CABIN1: variants seen among roughly 807,000 people sequenced by gnomAD.
The protein encoded by CABIN1 is calcineurin binding protein 1.
In CABIN1, 133 loss-of-function variants were observed where a neutral mutation model predicts 227.7. The ratio of observed to expected loss-of-function variants is 0.58; its 90% CI spans 0.51 to 0.67. The LOEUF is 0.67. Ranked by LOEUF, CABIN1 falls within the 30% of genes least tolerant of loss-of-function variation. CABIN1 has a pLI of 0.00. For missense variants in CABIN1, 2,408 were observed against 2,852.5 expected (o/e 0.84, Z 3.55); for synonymous variants, 1,086 against 1,155.1 (o/e 0.94, Z 1.21).
rs1031338795 is a variant in CABIN1 at position 24,092,082 on chromosome 22, G to A, written c.3786+239G>A. ...TGTTCTTATCTCTCAGAAGAAAATT[G>A]TCTTTCCTCACTAACACAGGTTCTA... On this transcript the variant is annotated intron_variant, in intron 24 of 36. Transcript: ENST00000263119. 5.1e-6 allele frequency: 3 copies of A among 590,512 alleles called. No individual in the cohort carries two copies. In the African/African-American group the frequency reaches 5.6e-5, roughly 11 times the overall value. 36.6% of individuals were successfully genotyped at this position (590,512 alleles called of 1,614,324 possible).
intron 1 of CABIN1, 196 bp downstream of exon 1, chr22:24,011,563 T>A (rs2034812924): frequency 6.6e-6 from 1 of 152,250 alleles, no homozygotes; most frequent in South Asian, 2.1e-4. Flanking sequence ...AGCCTCTTCA[T>A]GGCTCTCGCC....
chr22:24,098,195 A>G lies in CABIN1; in HGVS notation c.4117+3A>G. Reference sequence around the variant, plus strand: ...CCACCAGCAGGCAACGCCGGACGGTACAGTCCCTGTTCTCCCTACTGCCAG... The same window carrying G: ...CCACCAGCAGGCAACGCCGGACGGTGCAGTCCCTGTTCTCCCTACTGCCAG... On this transcript the variant is annotated splice_donor_region_variant and intron_variant, in intron 26 of 36. Coordinates refer to ENST00000263119, the MANE Select transcript of CABIN1 (RefSeq NM_012295.4). The G allele has an allele frequency of 1.2e-6, 2 of 1,613,764 alleles. No individual in the cohort carries two copies. The highest frequency in any genetic ancestry group is 1.1e-5 in the South Asian group (1 of 91,074).
intron 26 of CABIN1, among the ~76,000 whole-genome samples, chr22:24,110,338 C>A (rs1382141259): frequency 6.6e-6 from 1 of 152,194 alleles, no homozygotes; most frequent in African/African-American, 2.4e-5. Flanking sequence ...AAGAGCTGCT[C>A]ATCTTTTGCA....
chr22:24,113,542 C>G (rs1400776054), intron 26 of CABIN1, 24 bp from the exon 27 acceptor site: 2 of 1,612,024 alleles, frequency 1.2e-6, no homozygotes, highest in South Asian at 1.1e-5. Context: ...TGCTCTCGCC[C>G]TCTCTTCCTC....
chr22:24,063,941 C>T, intron 14 of CABIN1, 94 bp from the exon 15 acceptor site: 1 of 1,525,464 alleles, frequency 6.6e-7, no homozygotes, highest in Non-Finnish European at 9.1e-7. Context: ...CCCTCATGGC[C>T]TCCACAGTCT....
At chr22:24,131,803 C>T (rs540848209) in intron 28 of CABIN1, among the ~76,000 whole-genome samples, 5 of 152,286 alleles carry the variant, frequency 3.3e-5, no homozygotes, top group South Asian at 4.1e-4. Flanking sequence ...CGGTGGCTCG[C>T]GCCTGTAATT....
chr22:24,022,364 T>C (rs527789189), intron 1 of CABIN1, among the ~76,000 whole-genome samples: 1 of 152,360 alleles, frequency 6.6e-6, no homozygotes, highest in South Asian at 2.1e-4. Context: ...AATATAATAG[T>C]GTACAACCTT....
chr22:24,140,325 T>C (rs1363934505), intron 29 of CABIN1, among the ~76,000 whole-genome samples: 9 of 152,058 alleles, frequency 5.9e-5, no homozygotes, highest in Non-Finnish European at 1.0e-4. Flanking sequence ...TGGTTGAACA[T>C]GAGGAGGAGT....
intron 26 of CABIN1, among the ~76,000 whole-genome samples, chr22:24,111,235 C>T (rs755455144): frequency 3.3e-5 from 5 of 152,214 alleles, no homozygotes; most frequent in African/African-American, 4.8e-5. Context: ...TCTAAACATG[C>T]TCAGAACACT....
At chr22:24,111,995 C>T (rs1379651530) in intron 26 of CABIN1, among the ~76,000 whole-genome samples, 1 of 152,116 alleles carries the variant, frequency 6.6e-6, no homozygotes, top group Non-Finnish European at 1.5e-5. Context: ...GCATATTGTT[C>T]AGCTTTTCCA....
intron 3 of CABIN1, among the ~76,000 whole-genome samples, chr22:24,036,564 G>C (rs539578119): frequency 6.6e-6 from 1 of 152,224 alleles, no homozygotes; most frequent in Non-Finnish European, 1.5e-5. Flanking sequence ...GAGCAGCCTA[G>C]ACTGGGATCA....
chr22:24,037,724 C>G (rs1408976974), intron 3 of CABIN1, among the ~76,000 whole-genome samples: 1 of 152,182 alleles, frequency 6.6e-6, no homozygotes, highest in African/African-American at 2.4e-5. Flanking sequence ...CAATTCAATT[C>G]TGACACTAGC....
chr22:24,143,379 C>G (rs1352973999), intron 29 of CABIN1, among the ~76,000 whole-genome samples: 1 of 152,186 alleles, frequency 6.6e-6, no homozygotes, highest in Non-Finnish European at 1.5e-5. Context: ...GAGAGGGAAC[C>G]AGTGCTAGGC....
intron 24 of CABIN1, among the ~76,000 whole-genome samples, chr22:24,092,247 T>C (rs561363369): frequency 6.6e-6 from 1 of 152,294 alleles, no homozygotes; most frequent in African/African-American, 2.4e-5. Flanking sequence ...GCCCAGCCTG[T>C]GCCCAGGCTA....
chr22:24,013,519 A>C (rs2035004922), intron 1 of CABIN1, among the ~76,000 whole-genome samples: 1 of 152,190 alleles, frequency 6.6e-6, no homozygotes. Flanking sequence ...TTTTAAACTA[A>C]TTTTAGATTT....
chr22:24,042,972 C>T lies in CABIN1; in HGVS notation c.414C>T (p.Ile138=). ...TTGGACATGTGGCCCTGAGGCTCATCCGGATCCCCCTGGCTCGCCATGCTT... is the reference window on the plus strand; with the variant it reads ...TTGGACATGTGGCCCTGAGGCTCATTCGGATCCCCCTGGCTCGCCATGCTT... ...YKIGHVALRL[I]RIPLARHAFE... The change falls in exon 6 of 37, where the codon ATC becomes ATT. Residue 138 remains isoleucine, a synonymous_variant. Transcript: ENST00000263119. 6.2e-7 allele frequency: 1 copy of T among 1,613,778 alleles called. No homozygotes were observed. The highest frequency in any genetic ancestry group is 1.1e-5 in the South Asian group (1 of 91,060).
intron 15 of CABIN1, among the ~76,000 whole-genome samples, chr22:24,064,491 G>A (rs2039439393): frequency 6.7e-6 from 1 of 148,260 alleles, no homozygotes; most frequent in Non-Finnish European, 1.5e-5. Context: ...ACAGGTGTGA[G>A]CCACTGTGCC....
intron 28 of CABIN1, among the ~76,000 whole-genome samples, chr22:24,130,546 A>G (rs1673288983): frequency 1.3e-5 from 2 of 152,100 alleles, no homozygotes; most frequent in African/African-American, 4.8e-5. Flanking sequence ...ACCTCACTAC[A>G]CCACGAAGCT....
At chr22:24,067,556 A>G (rs569913490) in intron 16 of CABIN1, among the ~76,000 whole-genome samples, 1 of 152,354 alleles carries the variant, frequency 6.6e-6, no homozygotes, top group East Asian at 1.9e-4. Context: ...ATATCTGTAC[A>G]GTGGAAAGAA....
Sources: allele counts gnomAD v4.1 joint callset (sites outside exome capture counted in the v4.1 genomes callset), GRCh38; gene constraint gnomAD v4.1.1; transcripts MANE v1.5; gene names NCBI Gene and HGNC (gene_info 2026-07-23, HGNC 2026-07-21).